CCBE1: variants seen among roughly 807,000 people sequenced by gnomAD.
The protein encoded by CCBE1 is collagen and calcium binding EGF domains 1.
CCBE1 carries 37 observed loss-of-function variants against 50.0 expected under a neutral mutation model. The observed-to-expected ratio is 0.74, with a 90% CI of 0.57 to 0.97. CCBE1 has a LOEUF of 0.97. Among genes scored for constraint, CCBE1 ranks in the 50% least tolerant of loss-of-function variants. The pLI is 0.00. For missense variants in CCBE1, 538 were observed against 523.8 expected (o/e 1.03, Z -0.26); for synonymous variants, 234 against 203.7 (o/e 1.15, Z -1.27).
At chr18:59,583,169 T>C (rs1201334162) in intron 2 of CCBE1, among the ~76,000 whole-genome samples, 2 of 152,174 alleles carry the variant, frequency 1.3e-5, no homozygotes, top group South Asian at 4.1e-4. Context: ...ATTCATCACC[T>C]GAACTCAGCA....
intron 2 of CCBE1, among the ~76,000 whole-genome samples, chr18:59,562,897 C>CTT (rs5825348): frequency 0.71 from 108,562 of 152,010 alleles, 39,526 homozygotes; most frequent in East Asian, 0.89. Flanking sequence ...GTTTCGATCT[C>CTT]GTTTGTTTCA....
chr18:59,449,276 G>T (rs1454210066), intron 6 of CCBE1, among the ~76,000 whole-genome samples: 2 of 152,104 alleles, frequency 1.3e-5, no homozygotes, highest in Non-Finnish European at 2.9e-5. Flanking sequence ...AAGTGATGTT[G>T]TCTTTAACGT....
chr18:59,491,912 G>A (rs748023083), intron 2 of CCBE1, among the ~76,000 whole-genome samples: 1 of 150,942 alleles, frequency 6.6e-6, no homozygotes, highest in Admixed American at 6.6e-5. Flanking sequence ...TTGGGAGGCC[G>A]AGGCGAGTGG....
intron 2 of CCBE1, among the ~76,000 whole-genome samples, chr18:59,550,882 G>A (rs1196393281): frequency 6.6e-6 from 1 of 151,424 alleles, no homozygotes; most frequent in East Asian, 1.9e-4. Context: ...GTGGGCGGCT[G>A]TAGTCTCAGC....
intron 2 of CCBE1, among the ~76,000 whole-genome samples, chr18:59,693,864 C>CTTTTTTTTTTTTTTTTTTTTTT (rs11410421): frequency 4.2e-5 from 3 of 70,770 alleles, no homozygotes; most frequent in African/African-American, 1.2e-4. Context: ...AAAGGAAAGC[C>CTTTTTTTTTTTTTTTTTTTTTT]TTTTTTTTTT....
chr18:59,503,032 C>T (rs1458090322), intron 2 of CCBE1, among the ~76,000 whole-genome samples: 1 of 152,238 alleles, frequency 6.6e-6, no homozygotes, highest in Non-Finnish European at 1.5e-5. Context: ...GGCATGCAAT[C>T]ACACAAATGT....
chr18:59,468,539 T>C (rs1911863945), intron 4 of CCBE1, among the ~76,000 whole-genome samples: 1 of 152,112 alleles, frequency 6.6e-6, no homozygotes, highest in Non-Finnish European at 1.5e-5. Context: ...CACAATCCCA[T>C]TGTCTGGCAT....
At chr18:59,533,832 C>A (rs996903337) in intron 2 of CCBE1, among the ~76,000 whole-genome samples, 1 of 152,208 alleles carries the variant, frequency 6.6e-6, no homozygotes, top group Non-Finnish European at 1.5e-5. Flanking sequence ...TATATCAATG[C>A]TGTATGTGCA....
chr18:59,697,387 C>T lies in CCBE1; in HGVS notation c.-45G>A. The T allele has an allele frequency of 6.5e-7, 1 of 1,534,568 alleles. No individual in the cohort carries two copies. Among genetic ancestry groups the T allele is most frequent in the Non-Finnish European group, 8.8e-7 (1 of 1,142,362 alleles). On this transcript the variant is annotated 5_prime_UTR_variant, in exon 1 of 11. Transcript: ENST00000439986. ...TTCCCAGCGCCGAGCTCCGTCCGGA[C>T]CAAGCGTCCTGCTCCTCCGCGGCCG...
intron 2 of CCBE1, among the ~76,000 whole-genome samples, chr18:59,618,653 C>T (rs2053670201): frequency 6.6e-6 from 1 of 152,122 alleles, no homozygotes; most frequent in Admixed American, 6.6e-5. Flanking sequence ...GTCTCAAACT[C>T]CTGGCCTCAA....
intron 2 of CCBE1, among the ~76,000 whole-genome samples, chr18:59,567,516 G>C (rs1303412100): frequency 6.6e-6 from 1 of 152,216 alleles, no homozygotes; most frequent in Non-Finnish European, 1.5e-5. Flanking sequence ...CCAGCAGACA[G>C]CGATGGGAAG....
chr18:59,474,463 C>T (rs1912215831), intron 3 of CCBE1, among the ~76,000 whole-genome samples: 1 of 152,154 alleles, frequency 6.6e-6, no homozygotes, highest in Non-Finnish European at 1.5e-5. Flanking sequence ...TCTAGAATGC[C>T]CACAGAAGAC....
chr18:59,625,915 C>G (rs988587346), intron 2 of CCBE1, among the ~76,000 whole-genome samples: 2 of 152,096 alleles, frequency 1.3e-5, no homozygotes, highest in Admixed American at 6.6e-5. Flanking sequence ...TCTCAGACAC[C>G]GCACCTGCCC....
At chr18:59,617,038 A>C (rs1224736747) in intron 2 of CCBE1, among the ~76,000 whole-genome samples, 1 of 152,218 alleles carries the variant, frequency 6.6e-6, no homozygotes, top group Admixed American at 6.5e-5. Context: ...AACCAATTAG[A>C]TAAGGGACTG....
chr18:59,603,352 T>A (rs1425264768), intron 2 of CCBE1, among the ~76,000 whole-genome samples: 1 of 152,216 alleles, frequency 6.6e-6, no homozygotes, highest in Non-Finnish European at 1.5e-5. Context: ...TCCTTGGTCA[T>A]AAGGTTCTTG....
chr18:59,579,439 A>G (rs568748115), intron 2 of CCBE1, among the ~76,000 whole-genome samples: 3 of 152,016 alleles, frequency 2.0e-5, no homozygotes, highest in African/African-American at 7.2e-5. Flanking sequence ...AGCCCCAGAC[A>G]CTCTCATTCA....
At chr18:59,543,896 G>A (rs1915582610) in intron 2 of CCBE1, among the ~76,000 whole-genome samples, 1 of 150,646 alleles carries the variant, frequency 6.6e-6, no homozygotes, top group Non-Finnish European at 1.5e-5. Flanking sequence ...AGCAATGAGA[G>A]GGACACTCGC....
In CCBE1 at chr18:59,697,307, G is replaced by A. The variant is rs2144763816; in HGVS notation, c.36C>T (p.Ala12=). The change falls in exon 1 of 11, where the codon GCC becomes GCT. Residue 12 remains alanine, a synonymous_variant. Transcript: ENST00000439986. ...VPPPPSRGGA[A]RGQLGRSLGP... ...CCAGGCTCCTGCCCAGCTGGCCCCT[G>A]GCAGCTCCTCCCCGGCTCGGAGGCG... The A allele has an allele frequency of 6.5e-7, 1 of 1,549,072 alleles. No individual in the cohort carries two copies. The highest frequency in any genetic ancestry group is 8.7e-7 in the Non-Finnish European group (1 of 1,146,900).
At chr18:59,479,371 G>T (rs1312697463) in intron 3 of CCBE1, among the ~76,000 whole-genome samples, 1 of 152,058 alleles carries the variant, frequency 6.6e-6, no homozygotes. Flanking sequence ...ACTGCCCTGG[G>T]CCTCTGTGTA....
Sources: gnomAD v4.1 joint callset for allele counts (sites outside exome capture counted in the v4.1 genomes callset) on GRCh38, gnomAD v4.1.1 for gene constraint, MANE v1.5 for transcripts, NCBI Gene and HGNC (gene_info 2026-07-23, HGNC 2026-07-21) for gene names.